The following GFM1 variants were observed in gnomAD, a reference collection of about 807,000 sequenced individuals.
GFM1 encodes G elongation factor mitochondrial 1, also known as elongation factor G, mitochondrial.
In GFM1, 62 loss-of-function variants were observed where a neutral mutation model predicts 96.2. The ratio of observed to expected loss-of-function variants is 0.64; its 90% CI spans 0.53 to 0.80. The LOEUF is 0.80. GFM1 is among the 30% of genes least tolerant of loss of function. The pLI is 0.00. For missense variants in GFM1, 852 were observed against 916.6 expected (o/e 0.93, Z 0.91); for synonymous variants, 282 against 312.9 (o/e 0.90, Z 1.04).
At chr3:158,676,992 G>T (rs909254916) in intron 13 of GFM1, among the ~76,000 whole-genome samples, 2 of 152,136 alleles carry the variant, frequency 1.3e-5, no homozygotes, top group Non-Finnish European at 2.9e-5. Flanking sequence ...GAGCCGCCAC[G>T]CCCGGCCTCA....
At chr3:158,676,155 G>A (rs534428322) in intron 13 of GFM1, among the ~76,000 whole-genome samples, 1 of 152,258 alleles carries the variant, frequency 6.6e-6, no homozygotes, top group African/African-American at 2.4e-5. Flanking sequence ...TGTAGTTCCA[G>A]CTACTCGGGA....
intron 13 of GFM1, chr3:158,670,816 C>A: frequency 8.2e-7 from 1 of 1,220,954 alleles, no homozygotes. Context: ...ACCTGTGGTC[C>A]CAGCTATTTG....
rs114241364 is a variant in GFM1 at position 158,666,622 on chromosome 3, C to T, written c.1601+236C>T. The stretch of plus-strand genomic sequence containing the variant: ...GCATACACATCAATAGACATGTTTA[C>T]ACTTCCAGTGTTAGGGTTTTTGTTT... On this transcript the variant is annotated intron_variant, in intron 13 of 17. Coordinates refer to ENST00000486715, the MANE Select transcript of GFM1 (RefSeq NM_024996.7). 3.0e-5 allele frequency: 48 copies of T among 1,593,120 alleles called. No individual in the cohort carries two copies. The African/African-American group carries it at 6.4e-4, about 21-fold the overall frequency.
At chr3:158,669,167 T>A in intron 13 of GFM1, 2 of 1,545,794 alleles carry the variant, frequency 1.3e-6, no homozygotes, top group South Asian at 1.2e-5. Flanking sequence ...TAATCATATA[T>A]ATAGTATTAA....
At chr3:158,674,236 A>C (rs1262142155) in intron 13 of GFM1, among the ~76,000 whole-genome samples, 2 of 151,842 alleles carry the variant, frequency 1.3e-5, no homozygotes, top group African/African-American at 2.4e-5. Flanking sequence ...GCACTTCACC[A>C]CACCTGGCTA....
At chr3:158,679,354 C>T (rs190420627) in intron 13 of GFM1, among the ~76,000 whole-genome samples, 28 of 152,180 alleles carry the variant, frequency 1.8e-4, no homozygotes, top group Non-Finnish European at 2.9e-5. Flanking sequence ...GTTACTGAAC[C>T]CACAATGCCT....
intron 5 of GFM1, chr3:158,651,020 CAAAAAAAAAAAAA>C (rs772054819): frequency 2.0e-5 from 1 of 49,440 alleles, no homozygotes; most frequent in African/African-American, 7.8e-5. Context: ...GACTCCGTCT[CAAAAAAAAAAAAA>C]AAAAAAAAAA....
chr3:158,680,777 T>G (rs1344015201), intron 13 of GFM1, among the ~76,000 whole-genome samples: 1 of 152,186 alleles, frequency 6.6e-6, no homozygotes, highest in Non-Finnish European at 1.5e-5. Context: ...ACATAAGTAT[T>G]CTGTTGTTTG....
At chr3:158,653,265 A>C in intron 6 of GFM1, 45 bp from the exon 7 acceptor site, 1 of 1,498,110 alleles carries the variant, frequency 6.7e-7, no homozygotes, top group South Asian at 1.1e-5. Context: ...GAAGCACAAC[A>C]TGTAATTTTA....
Position 158,693,270 on chromosome 3 carries a change from T to G in GFM1, c.*1803T>G, listed in dbSNP as rs2108123717. On this transcript the variant is annotated 3_prime_UTR_variant, in exon 18 of 18. Coordinates refer to ENST00000486715, the MANE Select transcript of GFM1 (RefSeq NM_024996.7). ...GTGACATTCACAATAACTTTGAATA[T>G]TGTTCCTAATGAGGAAATACATTCT... The G allele has an allele frequency of 6.6e-6, 1 of 152,342 alleles. No individual in the cohort carries two copies. Among genetic ancestry groups the G allele is most frequent in the South Asian group, 2.1e-4 (1 of 4,834 alleles). 9.4% of individuals were successfully genotyped at this position (152,342 alleles called of 1,614,324 possible). A position where few individuals can be genotyped will look rare whatever the true frequency, so the allele number is the denominator to read the frequency against.
At chr3:158,690,487 G>A in intron 16 of GFM1, 164 bp downstream of exon 16, 1 of 651,394 alleles carries the variant, frequency 1.5e-6, no homozygotes, top group Non-Finnish European at 2.7e-6. Context: ...AAGTGCAGAA[G>A]TTAAAAATAA....
chr3:158,665,268 GT>G, intron 11 of GFM1, 68 bp from the exon 12 acceptor site: 1 of 1,225,066 alleles, frequency 8.2e-7, no homozygotes, highest in Non-Finnish European at 1.2e-6. Context: ...ATTCAGTAAA[GT>G]TTTTTCTAAA....
At chr3:158,659,483 C>G (rs1336422270) in intron 9 of GFM1, among the ~76,000 whole-genome samples, 2 of 152,158 alleles carry the variant, frequency 1.3e-5, no homozygotes, top group African/African-American at 4.8e-5. Context: ...ATACGGCAGG[C>G]ACAAAAGCCC....
intron 8 of GFM1, among the ~76,000 whole-genome samples, chr3:158,658,388 C>T (rs1259855557): frequency 6.6e-6 from 1 of 152,094 alleles, no homozygotes; most frequent in Non-Finnish European, 1.5e-5. Flanking sequence ...TGGTCTTGAA[C>T]TCCTGACCTC....
intron 15 of GFM1, among the ~76,000 whole-genome samples, chr3:158,686,014 T>G (rs1418215178): frequency 6.6e-6 from 1 of 151,906 alleles, no homozygotes; most frequent in African/African-American, 2.4e-5. Context: ...AGATAATTGA[T>G]ATGGTTATCA....
intron 13 of GFM1, among the ~76,000 whole-genome samples, chr3:158,667,266 G>T (rs1430897432): frequency 6.6e-6 from 1 of 152,124 alleles, no homozygotes; most frequent in Non-Finnish European, 1.5e-5. Context: ...GTTCTTTCAA[G>T]ATGCATTTTA....
At chr3:158,661,438 T>C (rs1274757171) in intron 10 of GFM1, among the ~76,000 whole-genome samples, 1 of 152,204 alleles carries the variant, frequency 6.6e-6, no homozygotes, top group Non-Finnish European at 1.5e-5. Context: ...CTGTAACATT[T>C]AGACTAGACT....
At chr3:158,658,847 A>G in intron 8 of GFM1, 75 bp from the exon 9 acceptor site, 1 of 1,514,520 alleles carries the variant, frequency 6.6e-7, no homozygotes, top group Non-Finnish European at 9.2e-7. Flanking sequence ...GGAGGGAGTT[A>G]TGAAGCTTTC....
Position 158,694,264 on chromosome 3 carries a change from G to A in GFM1, c.*2797G>A, listed in dbSNP as rs1726472453. Among the ~76,000 whole-genome samples, 1 of 152,110 alleles carries A rather than the reference G, an allele frequency of 6.6e-6. No individual in the cohort carries two copies. Among genetic ancestry groups the A allele is most frequent in the South Asian group, 2.1e-4 (1 of 4,830 alleles). ...CTATGCAGCCATAAAAAAAGAATGAGATCAAGTCCTTTGCAGGGACATAGA... is the reference window on the plus strand; with the variant it reads ...CTATGCAGCCATAAAAAAAGAATGAAATCAAGTCCTTTGCAGGGACATAGA... On this transcript the variant is annotated 3_prime_UTR_variant, in exon 18 of 18. Coordinates refer to ENST00000486715, the MANE Select transcript of GFM1 (RefSeq NM_024996.7).
Sources: allele counts gnomAD v4.1 joint callset (sites outside exome capture counted in the v4.1 genomes callset), GRCh38; gene constraint gnomAD v4.1.1; transcripts MANE v1.5; gene names NCBI Gene and HGNC (gene_info 2026-07-23, HGNC 2026-07-21).